Variants in KHDC4 observed in about 807,000 individuals in gnomAD.
KHDC4 encodes the protein KH domain containing 4, pre-mRNA splicing factor.
KHDC4 carries 19 observed loss-of-function variants against 74.5 expected under a neutral mutation model. That is an observed-to-expected ratio of 0.26 (90% CI 0.18 to 0.37). The LOEUF is 0.37. KHDC4 is among the 10% of genes least tolerant of loss of function. The pLI, the probability that KHDC4 is intolerant of heterozygous loss-of-function variation, is 1.00. For synonymous variants in KHDC4, 253 were observed against 266.1 expected, an observed-to-expected ratio of 0.95 and a Z score of 0.48; for missense variants, 632 against 754.1, an observed-to-expected ratio of 0.84 and a Z score of 1.90.
At chr1:155,926,036 T>C (rs763476331) in intron 6 of KHDC4, 193 bp from the exon 7 acceptor site, 2 of 749,066 alleles carry the variant, frequency 2.7e-6, no homozygotes, top group African/African-American at 3.4e-5. Flanking sequence ...CTAGGAGGAA[T>C]GTATCAGCAA....
chr1:155,933,633 C>T lies in KHDC4; in HGVS notation c.255G>A (p.Lys85=). The T allele has an allele frequency of 6.3e-7, 1 of 1,595,798 alleles. No homozygotes were observed. The highest frequency in any genetic ancestry group is 8.6e-7 in the Non-Finnish European group (1 of 1,165,862). Residue 85 remains lysine, a splice_region_variant and synonymous_variant, in exon 2 of 14, where the codon AAG becomes AAA. Transcript: ENST00000368321. ...KLKPTQNASE[K]LQAPGKGLTS... ...GTGGAGACCCTTCAACTTCAAATAC[C>T]TTCTCAGAAGCATTCTGAGTTGGTT...
intron 6 of KHDC4, 75 bp downstream of exon 6, chr1:155,926,601 G>A: frequency 1.3e-6 from 2 of 1,493,792 alleles, no homozygotes; most frequent in Non-Finnish European, 1.9e-6. Flanking sequence ...ACAGGAATGA[G>A]CCACTGTGCC....
chr1:155,929,468 AAAG>A lies in KHDC4; in HGVS notation c.385-96_385-94del, dbSNP rs1197346166. ...TTCCCATTCATTCATTCAACCAAGT[AAAG>A]AAGGAAAGAATTCTCTCCTGTATCT... On this transcript the variant is annotated intron_variant, in intron 3 of 13. Coordinates refer to ENST00000368321, the MANE Select transcript of KHDC4 (RefSeq NM_014949.4). 7 of 1,146,562 alleles carry A rather than the reference AAAG, an allele frequency of 6.1e-6. No individual in the cohort carries two copies. In the East Asian group the frequency reaches 9.4e-5, roughly 15 times the overall value. The allele number at this position is 1,146,562 out of a possible 1,614,324, so 71.0% of individuals were successfully genotyped here.
intron 2 of KHDC4, chr1:155,932,590 G>A (rs1314592091): frequency 6.6e-6 from 1 of 152,096 alleles, no homozygotes; most frequent in Non-Finnish European, 1.5e-5. Context: ...AATATACAAG[G>A]AGCACTACAT....
chr1:155,915,749 T>TGCCCACCACG, intron 13 of KHDC4, 124 bp downstream of exon 13: 1 of 592,560 alleles, frequency 1.7e-6, no homozygotes. Flanking sequence ...TTAGGTGATC[T>TGCCCACCACG]GCCCACCTCG....
intron 11 of KHDC4, among the ~76,000 whole-genome samples, chr1:155,917,164 C>T (rs1673749362): frequency 1.3e-5 from 2 of 152,124 alleles, no homozygotes; most frequent in Non-Finnish European, 1.5e-5. Flanking sequence ...TACAGAATCA[C>T]TCCTTTTCTA....
At position 155,929,101 on chromosome 1, in the gene KHDC4, G is replaced by A. The variant is rs539444460; in HGVS notation, c.464+195C>T. Among the ~76,000 whole-genome samples the A allele has an allele frequency of 8.5e-4, 129 of 152,192 alleles. 1 individual carries two copies. Among genetic ancestry groups the A allele is most frequent in the African/African-American group, 3.0e-3 (126 of 41,530 alleles). The stretch of plus-strand genomic sequence containing the variant: ...TTCCTCCAATAAAAACATTAAATGT[G>A]AAATAAAAGTCCAAAAACAGGTCCC... On this transcript the variant is annotated intron_variant, in intron 4 of 13. Transcript: ENST00000368321.
At chr1:155,919,976 C>G in intron 10 of KHDC4, 1 of 518,184 alleles carries the variant, frequency 1.9e-6, no homozygotes, top group African/African-American at 1.9e-5. Flanking sequence ...TCGAGGCTGC[C>G]ATTTGCTATG....
chr1:155,925,971 T>C (rs778799054), intron 6 of KHDC4, 128 bp from the exon 7 acceptor site: 2 of 842,538 alleles, frequency 2.4e-6, no homozygotes, highest in Admixed American at 3.4e-5. Context: ...TGTTGGGTAG[T>C]ACAGTCAGCC....
chr1:155,929,632 T>C lies in KHDC4; in HGVS notation c.384+80A>G, dbSNP rs1370442523. On this transcript the variant is annotated intron_variant, in intron 3 of 13. Transcript: ENST00000368321. ...TATGACCCAAACCCACTAATAAATATCTGACGCCTGTCTATTTAGAGGTCT... is the reference window on the plus strand; with the variant it reads ...TATGACCCAAACCCACTAATAAATACCTGACGCCTGTCTATTTAGAGGTCT... The C allele has an allele frequency of 2.0e-6, 3 of 1,483,860 alleles. No homozygotes were observed. The African/African-American group carries it at 4.2e-5, about 21-fold the overall frequency. 91.9% of individuals were successfully genotyped at this position (1,483,860 alleles called of 1,614,324 possible). A position where few individuals can be genotyped will look rare whatever the true frequency, so the allele number is the denominator to read the frequency against.
chr1:155,929,937 G>T (rs1207137351), intron 2 of KHDC4, 97 bp from the exon 3 acceptor site: 3 of 792,324 alleles, frequency 3.8e-6, no homozygotes, highest in South Asian at 6.2e-5. Flanking sequence ...TCATTTTTTT[G>T]AGATGGAGTC....
At chr1:155,919,251 T>A (rs979387060) in intron 10 of KHDC4, among the ~76,000 whole-genome samples, 2 of 151,706 alleles carry the variant, frequency 1.3e-5, no homozygotes, top group African/African-American at 2.4e-5. Flanking sequence ...TACAGCTACA[T>A]GAGCCACTGC....
In KHDC4 at chr1:155,926,762, C is replaced by T; in HGVS notation, c.595G>A (p.Gly199Ser). The T allele has an allele frequency of 6.2e-7, 1 of 1,614,118 alleles. No homozygotes were observed. The highest frequency in any genetic ancestry group is 8.5e-7 in the Non-Finnish European group (1 of 1,180,012). The change falls in exon 6 of 14, where the codon GGT (glycine) becomes AGT (serine). Residue 199 changes from glycine to serine, a missense_variant. Gly to Ser is a moderately conservative substitution (Grantham distance 56). Coordinates refer to ENST00000368321, the MANE Select transcript of KHDC4 (RefSeq NM_014949.4). ...TGGTGATAGACAGTTACTGTTGCAC[C>T]ATTAAAAGTTGGACTTGTTCCTGTG... ...AATGTSPTFN[G>S]ATVTVYHQPA...
intron 4 of KHDC4, among the ~76,000 whole-genome samples, chr1:155,927,428 G>A (rs1674027102): frequency 6.6e-6 from 1 of 152,086 alleles, no homozygotes; most frequent in Admixed American, 6.6e-5. Flanking sequence ...CCAGTCTATT[G>A]AGATAACCCA....
At chr1:155,919,691 G>A (rs866739933) in intron 10 of KHDC4, among the ~76,000 whole-genome samples, 3 of 151,960 alleles carry the variant, frequency 2.0e-5, no homozygotes, top group Non-Finnish European at 4.4e-5. Context: ...GGCGCTTGTA[G>A]TCCCAGCTAC....
intron 12 of KHDC4, 82 bp downstream of exon 12, chr1:155,916,543 A>G: frequency 1.1e-6 from 1 of 889,100 alleles, no homozygotes; most frequent in Non-Finnish European, 1.8e-6. Flanking sequence ...AGAATACTTA[A>G]GCTCATAGCA....
Position 155,929,300 on chromosome 1 carries a change from G to T in KHDC4, c.460C>A (p.Pro154Thr). The change falls in exon 4 of 14, where the codon CCA becomes ACA. Residue 154 changes from proline (P) to threonine (T), a missense_variant. Pro to Thr is a conservative substitution (Grantham distance 38). Transcript: ENST00000368321. ...MTTEEKAKVG[P>T]GDRPLYLHVQ... is the part of the protein sequence containing the mutation. ...ACAAGATAAGAGAATACGCACCCTGGTCCCACTTTGGCTTTTTCCTCAGTT... is the reference window on the plus strand; with the variant it reads ...ACAAGATAAGAGAATACGCACCCTGTTCCCACTTTGGCTTTTTCCTCAGTT... The T allele has an allele frequency of 6.2e-7, 1 of 1,610,992 alleles. No homozygotes were observed. The highest frequency in any genetic ancestry group is 8.5e-7 in the Non-Finnish European group (1 of 1,177,286).
At chr1:155,933,393 C>G (rs900249413) in intron 2 of KHDC4, among the ~76,000 whole-genome samples, 1 of 151,848 alleles carries the variant, frequency 6.6e-6, no homozygotes, top group African/African-American at 2.4e-5. Flanking sequence ...CGGGTTCAAG[C>G]AGTTCTGCCT....
chr1:155,915,913 G>A lies in KHDC4; in HGVS notation c.1605C>T (p.Ser535=), dbSNP rs773456496. ...AGGTCCCAGACCCATTCCTTTCATC[G>A]GACTCTGTTTTTATTCCAGTCACTG... The part of the protein sequence containing the change: ...AFPVTGIKTE[S]DERNGSGTLT... The change falls in exon 13 of 14, where the codon TCC becomes TCT. Residue 535 remains serine (S), a synonymous_variant. Transcript: ENST00000368321. 6.4e-5 allele frequency: 102 copies of A among 1,601,338 alleles called. No homozygotes were observed. Among genetic ancestry groups the A allele is most frequent in the Non-Finnish European group, 8.2e-5 (96 of 1,175,786 alleles).
Sources: allele counts gnomAD v4.1 joint callset (sites outside exome capture counted in the v4.1 genomes callset), GRCh38; gene constraint gnomAD v4.1.1; transcripts MANE v1.5; gene names NCBI Gene and HGNC (gene_info 2026-07-23, HGNC 2026-07-21).